The following ADAMTSL1 variants were observed in gnomAD, a reference collection of about 807,000 sequenced individuals.
The protein encoded by ADAMTSL1 is ADAMTS like 1, also known as ADAMTS-like protein 1.
In ADAMTSL1, 126 loss-of-function variants were observed where a neutral mutation model predicts 201.8. The ratio of observed to expected loss-of-function variants is 0.62; its 90% CI spans 0.54 to 0.72. The LOEUF is 0.72. ADAMTSL1 is among the 30% of genes least tolerant of loss of function. ADAMTSL1 has a pLI of 0.00. For synonymous variants in ADAMTSL1, 1,121 were observed against 903.4 expected (o/e 1.24, Z -4.32); for missense variants, 2,679 against 2,277.8 (o/e 1.18, Z -3.59).
intron 1 of ADAMTSL1, among the ~76,000 whole-genome samples, chr9:17,919,129 A>C (rs1826207734): frequency 6.6e-6 from 1 of 151,812 alleles, no homozygotes; most frequent in African/African-American, 2.4e-5. Flanking sequence ...TTCTCTTTCA[A>C]ATCCTACTTT....
intron 2 of ADAMTSL1, among the ~76,000 whole-genome samples, chr9:18,251,691 A>G (rs1831470632): frequency 6.6e-6 from 1 of 152,214 alleles, no homozygotes; most frequent in African/African-American, 2.4e-5. Context: ...TTGTGTGTGA[A>G]GCTTGCCTTA....
chr9:18,738,086 T>C (rs567459138), intron 15 of ADAMTSL1, among the ~76,000 whole-genome samples: 5 of 152,350 alleles, frequency 3.3e-5, no homozygotes, highest in African/African-American at 9.6e-5. Flanking sequence ...TAATTAAGAA[T>C]AGATTCTATA....
intron 2 of ADAMTSL1, among the ~76,000 whole-genome samples, chr9:18,335,693 A>G (rs971256630): frequency 6.6e-6 from 1 of 152,154 alleles, no homozygotes; most frequent in Non-Finnish European, 1.5e-5. Flanking sequence ...CAAAAACAAA[A>G]ATGTGAACTA....
At chr9:18,240,942 A>T (rs1472487040) in intron 2 of ADAMTSL1, among the ~76,000 whole-genome samples, 1 of 152,198 alleles carries the variant, frequency 6.6e-6, no homozygotes, top group Non-Finnish European at 1.5e-5. Flanking sequence ...TTCTGTCAAC[A>T]TTCACAGAAT....
chr9:18,753,163 TA>T, intron 15 of ADAMTSL1, 134 bp from the exon 16 acceptor site: 1 of 793,340 alleles, frequency 1.3e-6, no homozygotes, highest in South Asian at 1.5e-5. Context: ...AGGCTTAAGA[TA>T]GAGCTGCCAG....
At chr9:18,590,419 G>A (rs1397450605) in intron 4 of ADAMTSL1, among the ~76,000 whole-genome samples, 1 of 151,284 alleles carries the variant, frequency 6.6e-6, no homozygotes, top group Non-Finnish European at 1.5e-5. Flanking sequence ...TTCTTTGTTA[G>A]CCTAACTAAT....
chr9:18,535,234 C>A (rs1050170183), intron 3 of ADAMTSL1, among the ~76,000 whole-genome samples: 2 of 152,314 alleles, frequency 1.3e-5, no homozygotes, highest in African/African-American at 4.8e-5. Context: ...AGGGAAGGGG[C>A]AAAATGCCAC....
chr9:18,419,757 G>A (rs1252511451), intron 2 of ADAMTSL1, among the ~76,000 whole-genome samples: 1 of 145,304 alleles, frequency 6.9e-6, no homozygotes, highest in Admixed American at 6.9e-5. Flanking sequence ...TTTTGAGATG[G>A]AGTCTTGCTC....
chr9:18,517,663 G>T (rs1377523220), intron 2 of ADAMTSL1, among the ~76,000 whole-genome samples: 1 of 149,142 alleles, frequency 6.7e-6, no homozygotes, highest in Non-Finnish European at 1.5e-5. Flanking sequence ...GTGAGATTAT[G>T]CAGTGTTTGG....
intron 1 of ADAMTSL1, among the ~76,000 whole-genome samples, chr9:18,094,777 A>C (rs111411532): frequency 0.023 from 3,469 of 150,960 alleles, 73 homozygotes; most frequent in African/African-American, 0.059. Flanking sequence ...CATGTTAGCC[A>C]GGATGCTCTC....
intron 23 of ADAMTSL1, among the ~76,000 whole-genome samples, chr9:18,834,945 G>T (rs1472209236): frequency 2.0e-5 from 3 of 152,090 alleles, no homozygotes; most frequent in Admixed American, 6.6e-5. Flanking sequence ...ATTAATCTTT[G>T]TATGCACACA....
chr9:18,493,171 T>C (rs1429927600), intron 1 of ADAMTSL1, among the ~76,000 whole-genome samples: 4 of 152,308 alleles, frequency 2.6e-5, no homozygotes, highest in African/African-American at 9.6e-5. Context: ...TTATGGAAAA[T>C]CTAATGGAAA....
At chr9:18,660,447 C>T (rs1360786110) in intron 8 of ADAMTSL1, among the ~76,000 whole-genome samples, 2 of 152,142 alleles carry the variant, frequency 1.3e-5, no homozygotes. Flanking sequence ...TGCTCTAACT[C>T]TTCATTTTAT....
chr9:18,814,828 A>C (rs1022349568), intron 20 of ADAMTSL1, among the ~76,000 whole-genome samples: 2 of 152,160 alleles, frequency 1.3e-5, no homozygotes, highest in African/African-American at 4.8e-5. Context: ...CCCCCATGAC[A>C]CAAGGTTACC....
intron 2 of ADAMTSL1, among the ~76,000 whole-genome samples, chr9:18,281,701 T>C (rs888068641): frequency 2.0e-5 from 3 of 152,138 alleles, no homozygotes; most frequent in Admixed American, 1.3e-4. Context: ...TCCGGGACCA[T>C]TGTTTGTGTC....
At chr9:18,441,961 C>T (rs756871907) in intron 2 of ADAMTSL1, among the ~76,000 whole-genome samples, 1 of 152,124 alleles carries the variant, frequency 6.6e-6, no homozygotes, top group Non-Finnish European at 1.5e-5. Flanking sequence ...AATGAAAACC[C>T]AAATCCACTA....
intron 2 of ADAMTSL1, among the ~76,000 whole-genome samples, chr9:18,344,601 G>A (rs1442494541): frequency 3.3e-5 from 5 of 152,116 alleles, no homozygotes; most frequent in African/African-American, 1.2e-4. Flanking sequence ...CATTCCGTAT[G>A]GAGAAGTCCA....
intron 2 of ADAMTSL1, among the ~76,000 whole-genome samples, chr9:18,375,835 GTGCTGATTGGTCCATTTTACAGAC>G (rs1333617081): frequency 2.6e-5 from 4 of 152,108 alleles, no homozygotes; most frequent in Non-Finnish European, 2.9e-5. Flanking sequence ...ATTTTACAGA[GTGCTGATTGGTCCATTTTACAGAC>G]TGCTGATTGG....
chr9:18,078,891 A>G (rs1300462559), intron 1 of ADAMTSL1, among the ~76,000 whole-genome samples: 1 of 152,186 alleles, frequency 6.6e-6, no homozygotes, highest in Non-Finnish European at 1.5e-5. Context: ...AACAATCATG[A>G]TGCTGCCTTT....
Sources: allele counts gnomAD v4.1 joint callset (sites outside exome capture counted in the v4.1 genomes callset), GRCh38; gene constraint gnomAD v4.1.1; transcripts MANE v1.5; gene names NCBI Gene and HGNC (gene_info 2026-07-23, HGNC 2026-07-21).